Variants in PRG3 observed in about 807,000 individuals in gnomAD.
PRG3 encodes proteoglycan 3.
Under a neutral mutation model 26.1 loss-of-function variants are expected in PRG3, and 25 were observed. The ratio of observed to expected loss-of-function variants is 0.96; its 90% CI spans 0.70 to 1.34. The LOEUF (loss-of-function observed/expected upper bound fraction) is 1.34. Ranked by LOEUF, PRG3 falls within the 40% of genes most tolerant of loss-of-function variation. The probability of loss-of-function intolerance (pLI) is 0.00; values close to 1 mark genes in which losing one functional copy is unlikely to be tolerated. For synonymous variants in PRG3, 111 were observed against 100.4 expected, an observed-to-expected ratio of 1.11 and a Z score of -0.63; for missense variants, 280 against 264.8, an observed-to-expected ratio of 1.06 and a Z score of -0.40.
chr11:57,379,383 T>C, intron 3 of PRG3, 111 bp downstream of exon 3: 1 of 1,114,638 alleles, frequency 9.0e-7, no homozygotes, highest in Non-Finnish European at 1.3e-6. Flanking sequence ...TCCAGGTGAT[T>C]CTGATGCATG....
In PRG3 at chr11:57,380,693, G is replaced by A. The variant is rs772724991; in HGVS notation, c.16C>T (p.Leu6Phe). The change falls in exon 2 of 6, where the codon CTC (leucine) becomes TTC (phenylalanine). Residue 6 changes from leucine (L) to phenylalanine (F), a missense_variant. By Grantham distance (22) the Leu-to-Phe change is conservative. Coordinates refer to ENST00000287143, the MANE Select transcript of PRG3 (RefSeq NM_006093.4). MQCLL[L>F]LPFLLLGTVS... is the part of the protein sequence containing the mutation. ...GTTCCCAGCAGGAGAAAGGGCAGGAGCAAGAGGCATTGCATATCTACTGTC... is the reference window on the plus strand; with the variant it reads ...GTTCCCAGCAGGAGAAAGGGCAGGAACAAGAGGCATTGCATATCTACTGTC... 15 of 1,573,310 alleles carry A rather than the reference G, an allele frequency of 9.5e-6. No individual in the cohort carries two copies. The highest frequency in any genetic ancestry group is 2.0e-5 in the Admixed American group (1 of 49,928).
intron 3 of PRG3, among the ~76,000 whole-genome samples, 189 bp from the exon 4 acceptor site, chr11:57,379,001 C>A (rs544504038): frequency 6.6e-6 from 1 of 152,322 alleles, no homozygotes; most frequent in African/African-American, 2.4e-5. Context: ...ATAATTATAA[C>A]CACCGCTTAT....
chr11:57,379,710 C>T lies in PRG3; in HGVS notation c.159G>A (p.Thr53=), dbSNP rs774266390. The part of the protein sequence containing the change: ...SKEQERDLAL[T]EEVIQAEGEE... ...CTCCCTCTGCCTGAATCACCTCCTC[C>T]GTCAGAGCCAAGTCTCTCTCCTGCT... The change falls in exon 3 of 6, where the codon ACG becomes ACA. Residue 53 remains threonine, a synonymous_variant. Coordinates refer to ENST00000287143, the MANE Select transcript of PRG3 (RefSeq NM_006093.4). 2.5e-6 allele frequency: 4 copies of T among 1,614,008 alleles called. No individual in the cohort carries two copies. Among genetic ancestry groups the T allele is most frequent in the South Asian group, 1.1e-5 (1 of 91,086 alleles).
chr11:57,376,838 C>A lies in PRG3; in HGVS notation c.*12G>T. The A allele has an allele frequency of 6.2e-7, 1 of 1,612,348 alleles. No individual in the cohort carries two copies. The highest frequency in any genetic ancestry group is 8.5e-7 in the Non-Finnish European group (1 of 1,179,792). ...GGGAGGGAGCTGCTGGCAGGGTCTC[C>A]GTGCCGCTGGCTTAGAAGGAGCAGA... On this transcript the variant is annotated 3_prime_UTR_variant, in exon 6 of 6. Coordinates refer to ENST00000287143, the MANE Select transcript of PRG3 (RefSeq NM_006093.4).
At position 57,379,694 on chromosome 11, in the gene PRG3, C is replaced by T. The variant is rs777785059; in HGVS notation, c.175G>A (p.Ala59Thr). The stretch of plus-strand genomic sequence containing the variant: ...GAAGCCTTGACCTCCTCTCCCTCTG[C>T]CTGAATCACCTCCTCCGTCAGAGCC... ...DLALTEEVIQ[A>T]EGEEVKASAC... The change falls in exon 3 of 6, where the codon GCA (alanine) becomes ACA (threonine). Residue 59 changes from alanine to threonine, a missense_variant. By Grantham distance (58) the Ala-to-Thr change is moderately conservative. Coordinates refer to ENST00000287143, the MANE Select transcript of PRG3 (RefSeq NM_006093.4). The T allele has an allele frequency of 3.7e-6, 6 of 1,614,004 alleles. No homozygotes were observed. The highest frequency in any genetic ancestry group is 4.2e-6 in the Non-Finnish European group (5 of 1,180,030).
chr11:57,377,354 GT>G (rs1183915782), intron 5 of PRG3, among the ~76,000 whole-genome samples: 1 of 152,092 alleles, frequency 6.6e-6, no homozygotes, highest in Non-Finnish European at 1.5e-5. Flanking sequence ...GCTGTTGGAG[GT>G]GGGCATCTTG....
rs371677027 is a variant in PRG3 at position 57,380,739 on chromosome 11, C to T, written c.-31G>A. ...CTGTCTTTTAGCGAGGACACTACTC[C>T]ACCGTCCTTCTTGGGGCTGTCTTTG... On this transcript the variant is annotated 5_prime_UTR_variant, in exon 2 of 6. Coordinates refer to ENST00000287143, the MANE Select transcript of PRG3 (RefSeq NM_006093.4). The T allele has an allele frequency of 1.7e-5, 25 of 1,463,492 alleles. No homozygotes were observed. The highest frequency in any genetic ancestry group is 1.9e-5 in the Non-Finnish European group (21 of 1,093,548). The allele number at this position is 1,463,492 out of a possible 1,614,324, so 90.7% of individuals were successfully genotyped here. A position where few individuals can be genotyped will look rare whatever the true frequency, so the allele number is the denominator to read the frequency against.
intron 2 of PRG3, 128 bp downstream of exon 2, chr11:57,380,520 G>A (rs1856989591): frequency 1.4e-6 from 1 of 705,668 alleles, no homozygotes; most frequent in Non-Finnish European, 2.3e-6. Flanking sequence ...TACCGGAGAT[G>A]AGCTGTATCA....
At chr11:57,379,922 G>T in intron 2 of PRG3, 115 bp from the exon 3 acceptor site, 1 of 986,348 alleles carries the variant, frequency 1.0e-6, no homozygotes, top group Non-Finnish European at 1.5e-6. Flanking sequence ...AGACAAGACT[G>T]GAGGATTTCC....
At chr11:57,380,139 C>T (rs148856177) in intron 2 of PRG3, among the ~76,000 whole-genome samples, 1 of 152,096 alleles carries the variant, frequency 6.6e-6, no homozygotes, top group East Asian at 1.9e-4. Flanking sequence ...CGGTGGCTCA[C>T]GCCTGTAATC....
rs375293927 is a variant in PRG3, at chr11:57,380,602, A to C, written c.61+46T>G. Reference sequence around the variant, plus strand: ...AGCGGGGGGAGGGGAGTGTAGGAAAAAGGAAAAAAGGGAAAGACGCATGAG... The same window carrying C: ...AGCGGGGGGAGGGGAGTGTAGGAAACAGGAAAAAAGGGAAAGACGCATGAG... On this transcript the variant is annotated intron_variant, in intron 2 of 5. Transcript: ENST00000287143. The C allele has an allele frequency of 4.0e-6, 6 of 1,487,426 alleles. No homozygotes were observed. The African/African-American group carries it at 8.5e-5, about 21-fold the overall frequency. The allele number at this position is 1,487,426 out of a possible 1,614,324, so 92.1% of individuals were successfully genotyped here.
At chr11:57,377,347 G>A (rs1418892738) in intron 5 of PRG3, among the ~76,000 whole-genome samples, 2 of 152,164 alleles carry the variant, frequency 1.3e-5, no homozygotes, top group African/African-American at 2.4e-5. Context: ...CATGTCTGCT[G>A]TTGGAGGTGG....
rs1207191491 is a variant in PRG3 at position 57,379,590 on chromosome 11, G to A, written c.279C>T (p.Pro93=). 1 of 1,613,876 alleles carries A rather than the reference G, an allele frequency of 6.2e-7. No homozygotes were observed. Residue 93 remains proline, a synonymous_variant, in exon 3 of 6, where the codon CCC becomes CCT. Transcript: ENST00000287143. ...PAALDKDFQC[P]REEDIVEVQG... is the part of the protein sequence containing the mutation. ...GCACTTCAACAATGTCTTCTTCCCT[G>A]GGGCACTGGAAGTCCTTGTCTAAGG...
chr11:57,377,272 C>T (rs1239932506), intron 5 of PRG3, among the ~76,000 whole-genome samples: 1 of 152,206 alleles, frequency 6.6e-6, no homozygotes, highest in Non-Finnish European at 1.5e-5. Context: ...CTGCAGCAGT[C>T]TTGCTCTAGC....
intron 2 of PRG3, 30 bp downstream of exon 2, chr11:57,380,618 G>C: frequency 6.5e-7 from 1 of 1,532,090 alleles, no homozygotes; most frequent in South Asian, 1.2e-5. Flanking sequence ...AAAAGGGAAA[G>C]ACGCATGAGG....
In PRG3 at chr11:57,376,839, G is replaced by A; in HGVS notation, c.*11C>T. 1 of 1,612,426 alleles carries A rather than the reference G, an allele frequency of 6.2e-7. No homozygotes were observed. Among genetic ancestry groups the A allele is most frequent in the Non-Finnish European group, 8.5e-7 (1 of 1,179,832 alleles). ...GGAGGGAGCTGCTGGCAGGGTCTCC[G>A]TGCCGCTGGCTTAGAAGGAGCAGAC... On this transcript the variant is annotated 3_prime_UTR_variant, in exon 6 of 6. Coordinates refer to ENST00000287143, the MANE Select transcript of PRG3 (RefSeq NM_006093.4).
In PRG3 at chr11:57,379,291, G is replaced by T. The variant is rs149661888; in HGVS notation, c.375+203C>A. On this transcript the variant is annotated intron_variant, in intron 3 of 5. Transcript: ENST00000287143. Reference sequence around the variant, plus strand: ...CATCACCTGGGGATTTGTTGTAAATGCAAATTCTCAGGCTTCACCTCAGCC... The same window carrying T: ...CATCACCTGGGGATTTGTTGTAAATTCAAATTCTCAGGCTTCACCTCAGCC... Among the ~76,000 whole-genome samples the T allele has an allele frequency of 4.7e-3, 720 of 152,274 alleles. 7 individuals carry two copies. Among genetic ancestry groups the T allele is most frequent in the African/African-American group, 0.016 (677 of 41,562 alleles).
intron 5 of PRG3, among the ~76,000 whole-genome samples, 183 bp from the exon 6 acceptor site, chr11:57,377,091 T>C (rs1422262626): frequency 6.6e-6 from 1 of 152,208 alleles, no homozygotes; most frequent in Admixed American, 6.5e-5. Flanking sequence ...CTAGGCTGTG[T>C]GCTAACTGCA....
intron 4 of PRG3, 32 bp from the exon 5 acceptor site, chr11:57,377,868 G>A: frequency 6.4e-7 from 1 of 1,572,858 alleles, no homozygotes; most frequent in South Asian, 1.1e-5. Flanking sequence ...TCAGAGGGCA[G>A]AAGTTCAGAT....
Sources: gnomAD v4.1 joint callset for allele counts (sites outside exome capture counted in the v4.1 genomes callset) on GRCh38, gnomAD v4.1.1 for gene constraint, MANE v1.5 for transcripts, NCBI Gene and HGNC (gene_info 2026-07-23, HGNC 2026-07-21) for gene names.